The following ANKMY1 variants were observed in gnomAD, a reference collection of about 807,000 sequenced individuals.
ANKMY1 encodes the protein ankyrin repeat and MYND domain-containing protein 1.
ANKMY1 carries 98 observed loss-of-function variants against 102.0 expected under a neutral mutation model. The observed-to-expected ratio is 0.96, with a 90% confidence interval of 0.82 to 1.14. The LOEUF (loss-of-function observed/expected upper bound fraction) is 1.14, where lower values mean the gene tolerates loss of function less well. Ranked by LOEUF, ANKMY1 falls within the 50% of genes most tolerant of loss-of-function variation. ANKMY1 has a pLI of 0.00. For missense variants in ANKMY1, 1,330 were observed against 1,347.6 expected (o/e 0.99, Z 0.20); for synonymous variants, 582 against 559.9 (o/e 1.04, Z -0.56).
chr2:240,469,862 A>G, the ANKMY1 span, among the ~76,000 whole-genome samples: 2 of 152,150 alleles, frequency 1.3e-5, no homozygotes, highest in African/African-American at 4.8e-5. Flanking sequence ...CTGTGCATAC[A>G]CACACAAGCA....
intron 5 of ANKMY1, chr2:240,526,812 G>T: frequency 1.7e-6 from 2 of 1,197,094 alleles, no homozygotes; most frequent in Non-Finnish European, 2.1e-6. Context: ...TGTGGTTCCA[G>T]TCTCAGCACC....
chr2:240,484,020 C>A (rs574686980), intron 15 of ANKMY1, among the ~76,000 whole-genome samples: 233 of 152,296 alleles, frequency 1.5e-3, no homozygotes, highest in Middle Eastern at 6.8e-3. Context: ...TGAACTCAGC[C>A]TTTTTATGGC....
intron 4 of ANKMY1, among the ~76,000 whole-genome samples, chr2:240,552,568 A>T (rs1460222952): frequency 1.3e-5 from 2 of 152,244 alleles, no homozygotes; most frequent in Non-Finnish European, 1.5e-5. Flanking sequence ...AAAGGGGGAA[A>T]GGCATCTGTA....
intron 5 of ANKMY1, chr2:240,527,295 T>C (rs1575167618): frequency 6.9e-6 from 1 of 145,864 alleles, no homozygotes; most frequent in East Asian, 2.0e-4. Context: ...GATGGGTAGG[T>C]GAGTGGATGA....
At chr2:240,542,404 C>T (rs2089134241) in intron 4 of ANKMY1, among the ~76,000 whole-genome samples, 1 of 151,954 alleles carries the variant, frequency 6.6e-6, no homozygotes, top group South Asian at 2.1e-4. Flanking sequence ...ACTCTGGAGG[C>T]CGAGGCAGAG....
At position 240,479,628 on chromosome 2, in the gene ANKMY1, C is replaced by G. The variant is rs146776805; in HGVS notation, c.3074G>C (p.Arg1025Thr). The G allele has an allele frequency of 1.2e-6, 2 of 1,613,796 alleles. No homozygotes were observed. The highest frequency in any genetic ancestry group is 1.7e-6 in the Non-Finnish European group (2 of 1,180,042). The change falls in exon 18 of 18, where the codon AGG becomes ACG. Residue 1025 changes from arginine to threonine, a missense_variant. Transcript: ENST00000401804. ...GCTGCTTCACTGGAATTCTTCTCTC[C>G]TCCTGGAAACTTGCTCCAGTTGTGT... ...IVTQLEQVSRRREEFQ is the reference protein window; with the variant it reads ...IVTQLEQVSRTREEFQ
intron 5 of ANKMY1, among the ~76,000 whole-genome samples, chr2:240,528,114 C>G (rs1167662424): frequency 2.6e-5 from 4 of 152,076 alleles, no homozygotes; most frequent in African/African-American, 9.7e-5. Flanking sequence ...TGGTGAAACC[C>G]CGTCTCTACT....
At chr2:240,515,083 G>A (rs2080933495) in intron 9 of ANKMY1, among the ~76,000 whole-genome samples, 1 of 152,238 alleles carries the variant, frequency 6.6e-6, no homozygotes, top group South Asian at 2.1e-4. Flanking sequence ...TAAAAGAGGT[G>A]AGCACATGAG....
chr2:240,500,730 G>A (rs915638274), intron 13 of ANKMY1, among the ~76,000 whole-genome samples, 165 bp from the exon 14 acceptor site: 3 of 152,220 alleles, frequency 2.0e-5, no homozygotes, highest in Non-Finnish European at 2.9e-5. Flanking sequence ...AGATGGAGAC[G>A]GGGCTGACCT....
At chr2:240,480,371 G>A (rs373159178) in intron 17 of ANKMY1, among the ~76,000 whole-genome samples, 9 of 152,204 alleles carry the variant, frequency 5.9e-5, no homozygotes, top group Admixed American at 3.3e-4. Flanking sequence ...CACCAGCCTC[G>A]GCAATGCCCG....
rs554653884 is a variant in ANKMY1 at position 240,529,150 on chromosome 2, G to A, written c.840C>T (p.Asp280=). ...GAATTTCATTGAGGAAGATGCGGGC[G>A]TCCAGCTCTTTGCGGAAAGAGCTTG... ...PMTSSFRKEL[D]ARIFLNEIPP... is the part of the protein sequence containing the mutation. Residue 280 remains aspartate (D), a synonymous_variant, in exon 5 of 18, where the codon GAC becomes GAT. Coordinates refer to ENST00000401804, the MANE Select transcript of ANKMY1 (RefSeq NM_001282771.3). This position sits in a 1 kb window ranked among gnomAD's most constrained non-coding sequence, Gnocchi z 4.2. 132 of 1,614,082 alleles carry A rather than the reference G, an allele frequency of 8.2e-5. No individual in the cohort carries two copies. The highest frequency in any genetic ancestry group is 1.3e-4 in the Admixed American group (8 of 60,006).
intron 15 of ANKMY1, among the ~76,000 whole-genome samples, chr2:240,483,031 A>G (rs78365394): frequency 0.13 from 19,031 of 152,216 alleles, 1,360 homozygotes; most frequent in Non-Finnish European, 0.16. Context: ...TTATCATAAA[A>G]TGTCCCTCTT....
At chr2:240,473,143 A>AAAC in the ANKMY1 span, among the ~76,000 whole-genome samples, 2 of 150,858 alleles carry the variant, frequency 1.3e-5, no homozygotes, top group African/African-American at 4.9e-5. Flanking sequence ...AAAAAAACAA[A>AAAC]AAAAACCACC....
In ANKMY1 at chr2:240,500,058, C is replaced by T. The variant is rs537526456; in HGVS notation, c.2706G>A (p.Ala902=). 291 of 1,612,590 alleles carry T rather than the reference C, an allele frequency of 1.8e-4. 2 individuals are homozygous for T. The highest frequency in any genetic ancestry group is 7.0e-4 in the South Asian group (64 of 90,874). ...CCATGTACTCCAGGAGCCGCTTCCGCGCCAGGAACGTCTCGCGCTCTGCTG... is the reference window on the plus strand; with the variant it reads ...CCATGTACTCCAGGAGCCGCTTCCGTGCCAGGAACGTCTCGCGCTCTGCTG... ...LMPAERETFL[A]RKRLLEYMGL... The change falls in exon 15 of 18, where the codon GCG becomes GCA. Residue 902 remains alanine, a synonymous_variant. Coordinates refer to ENST00000401804, the MANE Select transcript of ANKMY1 (RefSeq NM_001282771.3).
At chr2:240,481,913 C>A (rs1344645784) in intron 16 of ANKMY1, among the ~76,000 whole-genome samples, 3 of 152,188 alleles carry the variant, frequency 2.0e-5, no homozygotes, top group Non-Finnish European at 4.4e-5. Context: ...GACATGGAAC[C>A]CCTGTCTGTG....
chr2:240,500,591 C>T (rs374943304), intron 13 of ANKMY1, 26 bp from the exon 14 acceptor site: 3 of 1,598,742 alleles, frequency 1.9e-6, no homozygotes, highest in African/African-American at 2.7e-5. Context: ...CCAGGTCAAA[C>T]ACGCAAGGAC....
rs369630513 is a variant in ANKMY1, at chr2:240,529,294, T to C, written c.696A>G (p.Gly232=). The C allele has an allele frequency of 4.3e-6, 7 of 1,613,990 alleles. No individual in the cohort carries two copies. Among genetic ancestry groups the C allele is most frequent in the African/African-American group, 2.7e-5 (2 of 74,886 alleles). ...SLSEEEKTEW[G]LQEGQDPFFY... is the part of the protein sequence containing the mutation. Reference sequence around the variant, plus strand: ...AAAAGGGATCCTGTCCCTCCTGCAGTCCCCACTCCGTTTTCTCCTCTTCTG... The same window carrying C: ...AAAAGGGATCCTGTCCCTCCTGCAGCCCCCACTCCGTTTTCTCCTCTTCTG... The change falls in exon 5 of 18, where the codon GGA becomes GGG. Residue 232 remains glycine, a synonymous_variant. Transcript: ENST00000401804. This position sits in a 1 kb window ranked among gnomAD's most constrained non-coding sequence, Gnocchi z 4.2.
downstream of ANKMY1, among the ~76,000 whole-genome samples, chr2:240,479,116 G>A (rs950007843): frequency 2.0e-5 from 3 of 151,952 alleles, no homozygotes; most frequent in South Asian, 2.1e-4. Context: ...GTAAGTGCAC[G>A]GGGAACAAAC....
chr2:240,514,605 A>G (rs1012964045), intron 9 of ANKMY1, among the ~76,000 whole-genome samples: 5 of 152,254 alleles, frequency 3.3e-5, no homozygotes, highest in South Asian at 2.1e-4. Flanking sequence ...ATGAGGGCTC[A>G]GTTTCCCACC....
Sources: gnomAD v4.1 joint callset for allele counts (sites outside exome capture counted in the v4.1 genomes callset) on GRCh38, gnomAD v4.1.1 for gene constraint, Gnocchi (gnomAD v3.1) non-coding constraint, MANE v1.5 for transcripts, NCBI Gene and HGNC (gene_info 2026-07-23, HGNC 2026-07-21) for gene names.